The following ST3GAL1 variants were observed in gnomAD, a reference collection of about 807,000 sequenced individuals.
ST3GAL1 encodes the protein ST3 beta-galactoside alpha-2,3-sialyltransferase 1.
A neutral mutation model predicts 34.1 loss-of-function variants in ST3GAL1; 16 were observed. The observed-to-expected ratio is 0.47, with a 90% CI of 0.32 to 0.71. The LOEUF is 0.71. Among genes scored for constraint, ST3GAL1 ranks in the 30% least tolerant of loss-of-function variants. The pLI is 0.04. For missense variants in ST3GAL1, 353 were observed against 447.4 expected (o/e 0.79, Z 1.90); for synonymous variants, 191 against 184.7 (o/e 1.03, Z -0.28).
intron 3 of ST3GAL1, among the ~76,000 whole-genome samples, chr8:133,477,783 G>A (rs149776866): frequency 1.2e-3 from 189 of 152,086 alleles, no homozygotes; most frequent in African/African-American, 4.4e-3. Context: ...GTCTTTGCTT[G>A]GAATGCTGAA....
At chr8:133,465,772 C>A in intron 6 of ST3GAL1, 122 bp downstream of exon 6, 1 of 1,091,062 alleles carries the variant, frequency 9.2e-7, no homozygotes, top group Non-Finnish European at 1.3e-6. Context: ...CCTGGGGTCC[C>A]TGGGTAAGTT....
At chr8:133,463,293 AT>A (rs1815581833) in intron 8 of ST3GAL1, 120 bp downstream of exon 8, 8 of 1,104,428 alleles carry the variant, frequency 7.2e-6, no homozygotes, top group African/African-American at 1.5e-5. Context: ...TAAGTGGGAG[AT>A]GCTACCTCCA....
At chr8:133,532,679 G>A (rs946439273) in intron 2 of ST3GAL1, among the ~76,000 whole-genome samples, 1 of 152,188 alleles carries the variant, frequency 6.6e-6, no homozygotes, top group Admixed American at 6.5e-5. Context: ...CGGCTCGTGT[G>A]ATGCCATACT....
At chr8:133,533,346 T>C (rs1161602737) in intron 2 of ST3GAL1, among the ~76,000 whole-genome samples, 1 of 152,212 alleles carries the variant, frequency 6.6e-6, no homozygotes, top group Non-Finnish European at 1.5e-5. Context: ...ATTTTTCAAA[T>C]GGACTTGAGG....
Position 133,467,223 on chromosome 8 carries a change from A to G in ST3GAL1, c.307-1133T>C. Among the ~76,000 whole-genome samples, 1 of 152,116 alleles carries G rather than the reference A, an allele frequency of 6.6e-6. No individual in the cohort carries two copies. The highest frequency in any genetic ancestry group is 1.9e-4 in the East Asian group (1 of 5,200). ...GGGTTTCCCTAGATGCAGGACTCTC[A>G]GTGCTAAAACCAGGATGAGTTGGTA... On this transcript the variant is annotated intron_variant, in intron 5 of 9. Transcript: ENST00000522652. This position sits in a 1 kb window ranked among gnomAD's most constrained non-coding sequence, Gnocchi z 4.2.
intron 2 of ST3GAL1, chr8:133,516,037 T>C (rs973623140): frequency 2.0e-5 from 3 of 152,100 alleles, no homozygotes; most frequent in Non-Finnish European, 4.4e-5. Context: ...GTACTTTTAA[T>C]AGAGACAGAG....
intron 2 of ST3GAL1, among the ~76,000 whole-genome samples, chr8:133,538,286 G>T (rs1018114535): frequency 2.0e-5 from 3 of 152,162 alleles, no homozygotes; most frequent in African/African-American, 2.4e-5. Context: ...AGGCCAAGGT[G>T]GGGGGATCAC....
intron 5 of ST3GAL1, among the ~76,000 whole-genome samples, chr8:133,474,696 A>T (rs544953660): frequency 2.0e-5 from 3 of 152,206 alleles, no homozygotes; most frequent in African/African-American, 7.2e-5. Context: ...CCGCTGTCCC[A>T]GACACCTGCA....
At chr8:133,506,372 G>A (rs560606377) in intron 2 of ST3GAL1, among the ~76,000 whole-genome samples, 1 of 152,332 alleles carries the variant, frequency 6.6e-6, no homozygotes, top group African/African-American at 2.4e-5. Flanking sequence ...TGTGGCAAGG[G>A]CTCCCTAAAT....
chr8:133,514,651 A>G (rs1251295991), intron 2 of ST3GAL1, among the ~76,000 whole-genome samples: 2 of 152,096 alleles, frequency 1.3e-5, no homozygotes, highest in African/African-American at 4.8e-5. Flanking sequence ...GTACTCCTGC[A>G]TTCTCAGGCA....
At chr8:133,567,441 C>G (rs1189322882) in intron 1 of ST3GAL1, 1 of 152,176 alleles carries the variant, frequency 6.6e-6, no homozygotes, top group Non-Finnish European at 1.5e-5. Context: ...AGTGACTTCC[C>G]CTCTGAGCCT....
intron 2 of ST3GAL1, among the ~76,000 whole-genome samples, chr8:133,540,096 T>C (rs534118478): frequency 6.6e-5 from 10 of 152,230 alleles, no homozygotes; most frequent in African/African-American, 1.9e-4. Context: ...CCGCTCTTCA[T>C]TTCACTCACG....
intron 2 of ST3GAL1, among the ~76,000 whole-genome samples, chr8:133,523,685 G>C (rs1817876826): frequency 6.6e-6 from 1 of 152,198 alleles, no homozygotes; most frequent in Admixed American, 6.5e-5. Context: ...CTAGGTACCA[G>C]ATTTATGACC....
chr8:133,509,579 G>A, intron 2 of ST3GAL1, among the ~76,000 whole-genome samples: 1 of 152,270 alleles, frequency 6.6e-6, no homozygotes, highest in East Asian at 1.9e-4. Flanking sequence ...ACCATGTGAG[G>A]AGAGCGGAGC....
chr8:133,458,202 TTAA>T lies in ST3GAL1; in HGVS notation c.*1559_*1561del, dbSNP rs1438794215. The stretch of plus-strand genomic sequence containing the variant: ...GTCCGAGGACTCCTACAAACCTCCC[TTAA>T]GCACCCCCACCTAATTTCCCAGCTA... On this transcript the variant is annotated 3_prime_UTR_variant, in exon 10 of 10. Transcript: ENST00000522652. The T allele has an allele frequency of 6.6e-6, 1 of 152,176 alleles. No homozygotes were observed. Among genetic ancestry groups the T allele is most frequent in the African/African-American group, 2.4e-5 (1 of 41,438 alleles). 9.4% of individuals were successfully genotyped at this position (152,176 alleles called of 1,614,324 possible). A position where few individuals can be genotyped will look rare whatever the true frequency, so the allele number is the denominator to read the frequency against.
intron 2 of ST3GAL1, among the ~76,000 whole-genome samples, chr8:133,530,403 T>G (rs1005353033): frequency 6.6e-6 from 1 of 152,098 alleles, no homozygotes; most frequent in African/African-American, 2.4e-5. Flanking sequence ...TGTCTCAGCC[T>G]CCCAAGTAGT....
At position 133,469,431 on chromosome 8, in the gene ST3GAL1, C is replaced by A. The variant is rs1281239099; in HGVS notation, c.307-3341G>T. On this transcript the variant is annotated intron_variant, in intron 5 of 9. Transcript: ENST00000522652. The surrounding 1 kb of genome is among the most constrained non-coding windows in gnomAD (Gnocchi z 4.3). ...ACACGGTTTCACCATGTTGGCCAGG[C>A]TGGTCTCGAACTCCTGACCTCAGGT... is the stretch of plus-strand genomic sequence containing the variant. Among the ~76,000 whole-genome samples, 1 of 152,042 alleles carries A rather than the reference C, an allele frequency of 6.6e-6. No individual in the cohort carries two copies. The highest frequency in any genetic ancestry group is 6.6e-5 in the Admixed American group (1 of 15,262).
Position 133,554,684 on chromosome 8 carries a change from T to C in ST3GAL1, c.-581-8758A>G, listed in dbSNP as rs181138457. On this transcript the variant is annotated intron_variant, in intron 1 of 9. Transcript: ENST00000522652. ...GAACACCTGCTTTCCTCCTAAGTGC[T>C]GGTCCAGCCATCTACTTGGGGTTTT... Among the ~76,000 whole-genome samples, 39 of 152,196 alleles carry C rather than the reference T, an allele frequency of 2.6e-4. No homozygotes were observed. In the South Asian group the frequency reaches 3.7e-3, roughly 15 times the overall value.
At chr8:133,545,347 T>C (rs974272169) in intron 2 of ST3GAL1, among the ~76,000 whole-genome samples, 7 of 152,204 alleles carry the variant, frequency 4.6e-5, no homozygotes, top group African/African-American at 1.7e-4. Flanking sequence ...CCAGCAAAGC[T>C]TTATTTACAA....
Sources: allele counts gnomAD v4.1 joint callset (sites outside exome capture counted in the v4.1 genomes callset), GRCh38; gene constraint gnomAD v4.1.1; non-coding constraint Gnocchi (gnomAD v3.1); transcripts MANE v1.5; gene names NCBI Gene and HGNC (gene_info 2026-07-23, HGNC 2026-07-21).